The following RIMS2 variants were observed in gnomAD, a reference collection of about 807,000 sequenced individuals.
The protein encoded by RIMS2 is regulating synaptic membrane exocytosis 2, also known as regulating synaptic membrane exocytosis protein 2.
RIMS2 carries 59 observed loss-of-function variants against 174.4 expected under a neutral mutation model. The ratio of observed to expected loss-of-function variants is 0.34; its 90% CI spans 0.27 to 0.42. The LOEUF (loss-of-function observed/expected upper bound fraction) is 0.42. Among genes scored for constraint, RIMS2 ranks in the 10% least tolerant of loss-of-function variants. The probability of loss-of-function intolerance (pLI) is 1.00; values close to 1 mark genes in which losing one functional copy is unlikely to be tolerated. For missense variants in RIMS2, 1,620 were observed against 1,666.3 expected (o/e 0.97, Z 0.48); for synonymous variants, 606 against 572.5 (o/e 1.06, Z -0.84).
intron 1 of RIMS2, among the ~76,000 whole-genome samples, chr8:103,582,858 G>A (rs1048671770): frequency 6.6e-6 from 1 of 152,212 alleles, no homozygotes; most frequent in African/African-American, 2.4e-5. Flanking sequence ...GGGCCTGGGG[G>A]ACCTCCCTGC....
At chr8:103,588,111 G>C (rs2094059467) in intron 1 of RIMS2, among the ~76,000 whole-genome samples, 1 of 151,758 alleles carries the variant, frequency 6.6e-6, no homozygotes. Context: ...TATGCCAACA[G>C]TGAAGAGTGT....
chr8:104,062,798 T>C (rs1362416789), intron 19 of RIMS2, among the ~76,000 whole-genome samples: 3 of 152,182 alleles, frequency 2.0e-5, no homozygotes, highest in Non-Finnish European at 2.9e-5. Flanking sequence ...TCTCATTATT[T>C]TCTTTATCTT....
intron 1 of RIMS2, among the ~76,000 whole-genome samples, chr8:103,612,665 G>T (rs532890095): frequency 6.6e-6 from 1 of 152,226 alleles, no homozygotes; most frequent in African/African-American, 2.4e-5. Context: ...TGCAACCTCC[G>T]CCTACTGGGT....
At chr8:104,096,715 A>G (rs573626821) in intron 19 of RIMS2, among the ~76,000 whole-genome samples, 7 of 152,148 alleles carry the variant, frequency 4.6e-5, no homozygotes, top group African/African-American at 1.4e-4. Context: ...TAAAAGTACA[A>G]AAATTAGCTG....
At chr8:104,244,881 C>A in intron 19 of RIMS2, 35 bp from the exon 26 acceptor site, 1 of 1,586,622 alleles carries the variant, frequency 6.3e-7, no homozygotes, top group Non-Finnish European at 8.6e-7. Context: ...ATAGTGATTA[C>A]AAAGCTGTTA....
intron 3 of RIMS2, among the ~76,000 whole-genome samples, chr8:103,790,873 G>A (rs57626748): frequency 0.049 from 7,391 of 152,090 alleles, 268 homozygotes; most frequent in African/African-American, 0.11. Context: ...ATTAAAGTAT[G>A]GTGTTAGGTG....
chr8:103,992,169 C>T (rs534324016), intron 17 of RIMS2, among the ~76,000 whole-genome samples: 3 of 151,786 alleles, frequency 2.0e-5, no homozygotes, highest in African/African-American at 7.2e-5. Context: ...AGTTCAATGG[C>T]GTTTTCTCAG....
chr8:103,745,198 C>T (rs3110472), intron 2 of RIMS2, among the ~76,000 whole-genome samples: 52,889 of 151,990 alleles, frequency 0.35, 9,978 homozygotes, highest in East Asian at 0.77. Context: ...CTTCCCTATA[C>T]CCCTGCAATC....
chr8:103,906,354 C>T (rs955926687), intron 4 of RIMS2, among the ~76,000 whole-genome samples: 1 of 152,144 alleles, frequency 6.6e-6, no homozygotes, highest in Non-Finnish European at 1.5e-5. Context: ...AAATGATTCT[C>T]TTGCCTCAGC....
At chr8:103,593,270 A>G (rs529885160) in intron 1 of RIMS2, among the ~76,000 whole-genome samples, 8 of 151,562 alleles carry the variant, frequency 5.3e-5, no homozygotes, top group South Asian at 4.1e-4. Flanking sequence ...TGGATATTGT[A>G]TGATGTAATA....
chr8:103,580,825 CTTTTTTT>C (rs61559970), intron 1 of RIMS2, among the ~76,000 whole-genome samples: 47 of 113,452 alleles, frequency 4.1e-4, no homozygotes, highest in Non-Finnish European at 4.6e-4. Flanking sequence ...AAAGGGAATA[CTTTTTTT>C]TTTTTTTTTT....
chr8:104,249,402 A>G (rs2099351647), intron 21 of RIMS2, 85 bp from the exon 28 acceptor site: 1 of 630,692 alleles, frequency 1.6e-6, no homozygotes, highest in Admixed American at 2.9e-5. Flanking sequence ...AAATGATGAA[A>G]CGATGTTAAA....
chr8:103,738,737 T>G (rs71520847), intron 2 of RIMS2, among the ~76,000 whole-genome samples: 34,995 of 151,974 alleles, frequency 0.23, 4,388 homozygotes, highest in Non-Finnish European at 0.25. Flanking sequence ...CAGACACTTC[T>G]CAAAAGAAGA....
Position 103,894,349 on chromosome 8 carries a change from C to T in RIMS2, c.1624+8126C>T, listed in dbSNP as rs529113013. ...AAAGTACAGTTCCAGCAATGTTTCT[C>T]AGACTTCAATGTGAATACAAAGAAA... On this transcript the variant is annotated intron_variant, in intron 4 of 23. Coordinates refer to ENST00000504942, the Ensembl canonical transcript of RIMS2. 5.4e-4 allele frequency among the ~76,000 whole-genome samples: 82 copies of T among 151,690 alleles called. 1 individual carries two copies. In the Middle Eastern group the frequency reaches 0.014, roughly 25 times the overall value.
intron 3 of RIMS2, among the ~76,000 whole-genome samples, chr8:103,870,962 C>A (rs558018012): frequency 2.4e-4 from 37 of 152,230 alleles, no homozygotes; most frequent in Non-Finnish European, 5.0e-4. Context: ...AAGCCTTTTT[C>A]AATTTTTATC....
At chr8:103,549,203 T>C (rs899671675) in intron 1 of RIMS2, among the ~76,000 whole-genome samples, 2 of 151,410 alleles carry the variant, frequency 1.3e-5, no homozygotes, top group African/African-American at 4.9e-5. Flanking sequence ...GGAAAAAATA[T>C]TAAGGGCAGC....
intron 1 of RIMS2, among the ~76,000 whole-genome samples, chr8:103,602,397 A>T (rs2094801425): frequency 6.6e-6 from 1 of 152,070 alleles, no homozygotes; most frequent in Admixed American, 6.6e-5. Flanking sequence ...TTATTTCATC[A>T]CCTAGGTAAT....
intron 19 of RIMS2, among the ~76,000 whole-genome samples, chr8:104,019,832 A>G (rs1410599934): frequency 1.3e-5 from 2 of 152,184 alleles, no homozygotes; most frequent in Non-Finnish European, 2.9e-5. Flanking sequence ...TATCTCATAT[A>G]GTCCATACAA....
chr8:103,806,633 T>G (rs902743159), intron 3 of RIMS2, among the ~76,000 whole-genome samples: 25 of 151,992 alleles, frequency 1.6e-4, no homozygotes, highest in African/African-American at 9.7e-5. Flanking sequence ...TGTGTGTGTG[T>G]GGGCAATCTT....
Sources: allele counts gnomAD v4.1 joint callset (sites outside exome capture counted in the v4.1 genomes callset), GRCh38; gene constraint gnomAD v4.1.1; transcripts MANE v1.5; gene names NCBI Gene and HGNC (gene_info 2026-07-23, HGNC 2026-07-21).